Variants in PLA2G4E observed in about 807,000 individuals in gnomAD.
PLA2G4E encodes the protein cytosolic phospholipase A2 epsilon.
A neutral mutation model predicts 109.1 loss-of-function variants in PLA2G4E; 84 were observed. The ratio of observed to expected loss-of-function variants is 0.77; its 90% CI spans 0.65 to 0.92. PLA2G4E has a LOEUF of 0.92. Among genes scored for constraint, PLA2G4E ranks in the 40% least tolerant of loss-of-function variants. PLA2G4E has a pLI of 0.00. For missense variants in PLA2G4E, 1,057 were observed against 1,076.6 expected (o/e 0.98, Z 0.25); for synonymous variants, 469 against 436.1 (o/e 1.08, Z -0.94).
intron 2 of PLA2G4E, 27 bp from the exon 3 acceptor site, chr15:42,007,892 A>G (rs535916690): frequency 1.9e-6 from 3 of 1,582,776 alleles, no homozygotes; most frequent in East Asian, 2.3e-5. Flanking sequence ...AGTGGAACCA[A>G]TCCAGGTTCA....
At chr15:42,038,660 T>A (rs2141075297) in intron 1 of PLA2G4E, among the ~76,000 whole-genome samples, 2 of 152,364 alleles carry the variant, frequency 1.3e-5, no homozygotes, top group Middle Eastern at 3.4e-3. Flanking sequence ...CACAGACCAG[T>A]ACGTACCGTG....
chr15:42,021,876 A>C (rs751949871), intron 1 of PLA2G4E, among the ~76,000 whole-genome samples: 2 of 152,150 alleles, frequency 1.3e-5, no homozygotes, highest in Non-Finnish European at 2.9e-5. Context: ...GAAATTGAGG[A>C]TGAGATCTGA....
intron 1 of PLA2G4E, among the ~76,000 whole-genome samples, chr15:42,018,427 CTATT>C (rs1272479784): frequency 1.3e-5 from 2 of 152,098 alleles, no homozygotes; most frequent in Non-Finnish European, 2.9e-5. Flanking sequence ...AAGAGTCAAA[CTATT>C]TAAGAACAGA....
At chr15:42,050,193 A>T (rs1447480161) in intron 1 of PLA2G4E, among the ~76,000 whole-genome samples, 1 of 152,214 alleles carries the variant, frequency 6.6e-6, no homozygotes, top group African/African-American at 2.4e-5. Flanking sequence ...CCATGAAACT[A>T]GCTATGTGGC....
rs1185625253 is a variant in PLA2G4E at position 41,992,599 on chromosome 15, G to A, written c.1470+138C>T. The A allele has an allele frequency of 1.3e-5, 10 of 798,220 alleles. No individual in the cohort carries two copies. The South Asian group carries it at 1.3e-4, about 10-fold the overall frequency. 49.4% of individuals were successfully genotyped at this position (798,220 alleles called of 1,614,324 possible). A position where few individuals can be genotyped will look rare whatever the true frequency, so the allele number is the denominator to read the frequency against. ...CCGTCATAGAGTCCGACACCTTATC[G>A]GTCTTCCAGCCCAAGGATACTCCCG... On this transcript the variant is annotated intron_variant, in intron 13 of 19. Transcript: ENST00000399518.
intron 1 of PLA2G4E, among the ~76,000 whole-genome samples, chr15:42,043,562 T>C (rs74400675): frequency 1.7e-4 from 2 of 11,566 alleles, no homozygotes; most frequent in Non-Finnish European, 3.0e-4. Context: ...TGATGGAGGA[T>C]ACAAAAAAAA....
At chr15:42,030,162 G>A (rs954619139) in intron 1 of PLA2G4E, among the ~76,000 whole-genome samples, 1 of 152,192 alleles carries the variant, frequency 6.6e-6, no homozygotes, top group Non-Finnish European at 1.5e-5. Flanking sequence ...AATTAAGGAG[G>A]TTCATGGATA....
intron 12 of PLA2G4E, 49 bp downstream of exon 12, chr15:41,995,311 G>A: frequency 6.3e-7 from 1 of 1,592,708 alleles, no homozygotes. Flanking sequence ...AGGCCAGCCT[G>A]TTCGTGGCTT....
intron 13 of PLA2G4E, among the ~76,000 whole-genome samples, chr15:41,991,514 G>A (rs1457019875): frequency 6.6e-6 from 1 of 151,982 alleles, no homozygotes; most frequent in Non-Finnish European, 1.5e-5. Context: ...GGTTATCACA[G>A]GGGCAGGGTG....
intron 2 of PLA2G4E, among the ~76,000 whole-genome samples, chr15:42,012,588 G>T (rs1388973109): frequency 6.6e-6 from 1 of 152,122 alleles, no homozygotes; most frequent in Non-Finnish European, 1.5e-5. Flanking sequence ...AAGGCCTCTG[G>T]ATACTCAGGT....
chr15:41,981,701 T>C (rs1415920763), exon 20 of PLA2G4E: 1 of 152,250 alleles, frequency 6.6e-6, no homozygotes, highest in African/African-American at 2.4e-5. Context: ...AAACAAGTCC[T>C]GTCTGTTGCT....
chr15:41,988,785 C>T (rs1308597238), intron 15 of PLA2G4E, among the ~76,000 whole-genome samples: 1 of 152,138 alleles, frequency 6.6e-6, no homozygotes, highest in Non-Finnish European at 1.5e-5. Flanking sequence ...GAGAGGCCAC[C>T]GTGGGCTGGG....
chr15:41,995,535 A>G (rs775567544), intron 11 of PLA2G4E, 39 bp from the exon 12 acceptor site: 1 of 1,606,558 alleles, frequency 6.2e-7, no homozygotes, highest in Non-Finnish European at 8.5e-7. Context: ...GGAAGGCTCC[A>G]GAAGCAAAGC....
chr15:41,998,495 A>G (rs2068376387), intron 10 of PLA2G4E: 1 of 152,190 alleles, frequency 6.6e-6, no homozygotes, highest in African/African-American at 2.4e-5. Flanking sequence ...ACAGAGACTC[A>G]GTAAGGGCAA....
At chr15:42,048,927 T>G (rs1889462645) in intron 1 of PLA2G4E, among the ~76,000 whole-genome samples, 1 of 152,166 alleles carries the variant, frequency 6.6e-6, no homozygotes, top group African/African-American at 2.4e-5. Context: ...CACTTCTAGG[T>G]GTGAGTCAGG....
chr15:42,044,816 G>C (rs549602795), intron 1 of PLA2G4E, among the ~76,000 whole-genome samples: 1 of 152,090 alleles, frequency 6.6e-6, no homozygotes, highest in East Asian at 1.9e-4. Context: ...ATGTGAATGA[G>C]ATCATCTGGC....
At chr15:42,002,532 G>T in intron 6 of PLA2G4E, 122 bp downstream of exon 6, 2 of 1,137,912 alleles carry the variant, frequency 1.8e-6, no homozygotes, top group Non-Finnish European at 2.6e-6. Flanking sequence ...TCTAACTCCT[G>T]CAGAGGTCAG....
chr15:42,020,176 G>A (rs2068634955), intron 1 of PLA2G4E, among the ~76,000 whole-genome samples: 2 of 152,226 alleles, frequency 1.3e-5, no homozygotes, highest in African/African-American at 4.8e-5. Flanking sequence ...CCCACCAAGG[G>A]GCAAAGTACT....
At chr15:41,992,168 A>G (rs1028233802) in intron 13 of PLA2G4E, among the ~76,000 whole-genome samples, 1 of 152,110 alleles carries the variant, frequency 6.6e-6, no homozygotes, top group Non-Finnish European at 1.5e-5. Context: ...AGTGTTATTG[A>G]CTGAGGACCC....
Sources: allele counts gnomAD v4.1 joint callset (sites outside exome capture counted in the v4.1 genomes callset), GRCh38; gene constraint gnomAD v4.1.1; transcripts MANE v1.5; gene names NCBI Gene and HGNC (gene_info 2026-07-23, HGNC 2026-07-21).